The following ASXL3 variants were observed in gnomAD, a reference collection of about 807,000 sequenced individuals.
ASXL3 encodes the protein ASXL transcriptional regulator 3.
Under a neutral mutation model 170.6 loss-of-function variants are expected in ASXL3, and 34 were observed. That is an observed-to-expected ratio of 0.20 (90% CI 0.15 to 0.27). The LOEUF (loss-of-function observed/expected upper bound fraction) is 0.27, where lower values mean the gene tolerates loss of function less well. Among genes scored for constraint, ASXL3 ranks in the 10% least tolerant of loss-of-function variants. The probability of loss-of-function intolerance (pLI) is 1.00; values close to 1 mark genes in which losing one functional copy is unlikely to be tolerated. For synonymous variants in ASXL3, 1,002 were observed against 989.1 expected, an observed-to-expected ratio of 1.01 and a Z score of -0.24; for missense variants, 2,592 against 2,695.3, an observed-to-expected ratio of 0.96 and a Z score of 0.85.
Position 33,607,639 on chromosome 18 carries a change from T to C in ASXL3, c.100T>C (p.Leu34=), listed in dbSNP as rs1355145109. 4 of 1,589,224 alleles carry C rather than the reference T, an allele frequency of 2.5e-6. No homozygotes were observed. Among genetic ancestry groups the C allele is most frequent in the Admixed American group, 1.8e-5 (1 of 56,856 alleles). Residue 34 remains leucine, a synonymous_variant, in exon 2 of 12, where the codon TTG becomes CTG. Coordinates refer to ENST00000269197, the MANE Select transcript of ASXL3 (RefSeq NM_030632.3). ...PNSPMTAKQI[L]EVIQKEGLKE... The stretch of plus-strand genomic sequence containing the variant: ...CTCACCAATGACAGCAAAGCAGATA[T>C]TGGAAGTCATTCAGAAAGAAGGGTT...
intron 2 of ASXL3, among the ~76,000 whole-genome samples, chr18:33,642,203 T>C (rs1182350936): frequency 1.3e-5 from 2 of 151,966 alleles, no homozygotes; most frequent in Non-Finnish European, 2.9e-5. Context: ...TCAATAGCAG[T>C]TAAGATATTT....
chr18:33,625,633 A>G (rs1009538513), intron 2 of ASXL3: 7 of 152,116 alleles, frequency 4.6e-5, no homozygotes, highest in African/African-American at 1.7e-4. Context: ...CTCAGGTCCA[A>G]ATCTATCTAA....
intron 2 of ASXL3, among the ~76,000 whole-genome samples, chr18:33,608,271 C>T (rs377249891): frequency 6.6e-5 from 10 of 152,040 alleles, no homozygotes; most frequent in African/African-American, 2.2e-4. Flanking sequence ...TACCCATTAG[C>T]GGTCACTCCA....
rs1185704582 is a variant in ASXL3, at chr18:33,748,545, C to T, written c.*1950C>T. The stretch of plus-strand genomic sequence containing the variant: ...AAAGTTAGTTAGCAATGCACTTAAC[C>T]AGCCTTACCCGAGGAAAGCAGCATA... On this transcript the variant is annotated 3_prime_UTR_variant, in exon 12 of 12. Transcript: ENST00000269197. 6.6e-6 allele frequency: 1 copy of T among 152,156 alleles called. No homozygotes were observed. Among genetic ancestry groups the T allele is most frequent in the African/African-American group, 2.4e-5 (1 of 41,434 alleles). The allele number at this position is 152,156 out of a possible 1,614,324, so 9.4% of individuals were successfully genotyped here.
intron 8 of ASXL3, chr18:33,690,206 G>C (rs1410659567): frequency 6.6e-6 from 1 of 152,082 alleles, no homozygotes; most frequent in Non-Finnish European, 1.5e-5. Flanking sequence ...GCACGTTAAA[G>C]TGTTCTGATC....
At chr18:33,732,661 C>G (rs2067471261) in intron 9 of ASXL3, among the ~76,000 whole-genome samples, 1 of 151,958 alleles carries the variant, frequency 6.6e-6, no homozygotes, top group Non-Finnish European at 1.5e-5. Context: ...TGAAGACCAG[C>G]CTAAGCAACA....
intron 8 of ASXL3, among the ~76,000 whole-genome samples, chr18:33,730,452 C>T (rs1389535): frequency 0.59 from 90,199 of 151,978 alleles, 27,996 homozygotes; most frequent in East Asian, 0.9. Flanking sequence ...ATCCATGTAG[C>T]CTAGCCATTG....
chr18:33,606,383 T>A (rs1371367012), intron 1 of ASXL3, among the ~76,000 whole-genome samples: 2 of 151,848 alleles, frequency 1.3e-5, no homozygotes, highest in Non-Finnish European at 2.9e-5. Context: ...AGGAGGAAAT[T>A]TCCTGGGAAC....
At chr18:33,645,499 G>A (rs73955166) in intron 3 of ASXL3, among the ~76,000 whole-genome samples, 1,649 of 152,012 alleles carry the variant, frequency 0.011, 29 homozygotes, top group African/African-American at 0.038. Context: ...ACTTGTATGA[G>A]AAGAAGAGAG....
intron 4 of ASXL3, among the ~76,000 whole-genome samples, chr18:33,649,164 A>C (rs554971445): frequency 6.6e-6 from 1 of 152,256 alleles, no homozygotes; most frequent in Non-Finnish European, 1.5e-5. Flanking sequence ...TAATGGGAAC[A>C]TTTCAGTTAA....
intron 2 of ASXL3, among the ~76,000 whole-genome samples, chr18:33,621,607 G>A (rs1467896864): frequency 1.3e-5 from 2 of 152,124 alleles, no homozygotes; most frequent in Non-Finnish European, 2.9e-5. Context: ...TCACCCAAAG[G>A]AAGACTGAAA....
chr18:33,628,484 A>G (rs994829753), intron 2 of ASXL3, among the ~76,000 whole-genome samples: 4 of 152,172 alleles, frequency 2.6e-5, no homozygotes, highest in African/African-American at 9.6e-5. Flanking sequence ...GCCAAGTGAT[A>G]AAAGGAACAA....
Position 33,738,975 on chromosome 18 carries a change from A to C in ASXL3, c.1571A>C (p.Glu524Ala). The C allele has an allele frequency of 6.2e-7, 1 of 1,613,808 alleles. No homozygotes were observed. Among genetic ancestry groups the C allele is most frequent in the Non-Finnish European group, 8.5e-7 (1 of 1,179,824 alleles). ...GAAGTTAAGATAGAAGGGAAGTCAGAATCACCCCAGGAAGAAATGACAGTT... is the reference window on the plus strand; with the variant it reads ...GAAGTTAAGATAGAAGGGAAGTCAGCATCACCCCAGGAAGAAATGACAGTT... ...HIEVKIEGKS[E>A]SPQEEMTVVI... is the part of the protein sequence containing the mutation. The change falls in exon 11 of 12, where the codon GAA becomes GCA. Residue 524 changes from glutamate to alanine, a missense_variant. This residue lies in a region of ASXL3 where 2,246 missense variants were observed against 2,219.6 expected (regional missense o/e 1.01). Transcript: ENST00000269197.
chr18:33,673,609 G>A (rs1030429072), intron 7 of ASXL3, among the ~76,000 whole-genome samples: 10 of 152,018 alleles, frequency 6.6e-5, no homozygotes, highest in African/African-American at 9.7e-5. Flanking sequence ...CAGGTGATCC[G>A]CCTGCCTTTG....
chr18:33,677,680 GT>G (rs1160772432), intron 7 of ASXL3, among the ~76,000 whole-genome samples: 1 of 152,092 alleles, frequency 6.6e-6, no homozygotes, highest in Non-Finnish European at 1.5e-5. Flanking sequence ...TTCATGTTCT[GT>G]TTGTTTAACC....
intron 2 of ASXL3, among the ~76,000 whole-genome samples, chr18:33,630,469 C>A (rs1197469096): frequency 2.0e-5 from 3 of 151,354 alleles, no homozygotes; most frequent in African/African-American, 7.3e-5. Context: ...CACCAGTGGA[C>A]AAAGTACCTT....
Position 33,745,669 on chromosome 18 carries a change from C to G in ASXL3, c.5821C>G (p.Pro1941Ala). ...CCAAATGCCTGTGGCTGCCAGGGGC[C>G]CCATTCCTACTGCAGCTCTGTTACA... is the stretch of plus-strand genomic sequence containing the variant. ...FYQMPVAARGPIPTAALLQAS... is the reference protein window; with the variant it reads ...FYQMPVAARGAIPTAALLQAS... Residue 1941 changes from proline to alanine, a missense_variant, in exon 12 of 12, where the codon CCC becomes GCC. Pro to Ala is a conservative substitution (Grantham distance 27). Around this residue, in one of 4 missense-constraint regions of ASXL3, gnomAD observed 2,246 missense variants for 2,219.6 expected, o/e 1.01. Coordinates refer to ENST00000269197, the MANE Select transcript of ASXL3 (RefSeq NM_030632.3). The G allele has an allele frequency of 6.2e-7, 1 of 1,613,924 alleles. No homozygotes were observed. The highest frequency in any genetic ancestry group is 1.3e-5 in the African/African-American group (1 of 75,016).
At chr18:33,660,005 T>A (rs1013223518) in intron 4 of ASXL3, among the ~76,000 whole-genome samples, 1 of 152,108 alleles carries the variant, frequency 6.6e-6, no homozygotes, top group African/African-American at 2.4e-5. Flanking sequence ...TAAATTATGC[T>A]TCTTTAGATA....
chr18:33,595,773 AG>A (rs1599377885), intron 1 of ASXL3, among the ~76,000 whole-genome samples: 2 of 152,168 alleles, frequency 1.3e-5, no homozygotes, highest in Admixed American at 1.3e-4. Context: ...CTTGAGTTTT[AG>A]GGTTGTACAT....
Sources: gnomAD v4.1 joint callset for allele counts (sites outside exome capture counted in the v4.1 genomes callset) on GRCh38, gnomAD v4.1.1 for gene constraint, gnomAD v4.1.1 regional missense constraint, MANE v1.5 for transcripts, NCBI Gene and HGNC (gene_info 2026-07-23, HGNC 2026-07-21) for gene names.